The following SCARB1 variants were observed in gnomAD, a reference collection of about 807,000 sequenced individuals.
SCARB1 encodes scavenger receptor class B member 1, also known as CD36 and LIMPII analogous 1.
Under a neutral mutation model 57.2 loss-of-function variants are expected in SCARB1, and 30 were observed. The observed-to-expected ratio is 0.52, with a 90% CI of 0.39 to 0.71. The LOEUF is 0.71. SCARB1 is among the 30% of genes least tolerant of loss of function. The probability of loss-of-function intolerance (pLI) is 0.00; values close to 1 mark genes in which losing one functional copy is unlikely to be tolerated. For synonymous variants in SCARB1, 249 were observed against 268.3 expected (o/e 0.93, Z 0.70); for missense variants, 543 against 671.2 (o/e 0.81, Z 2.11).
At chr12:124,850,430 G>C (rs1352366642) in intron 1 of SCARB1, among the ~76,000 whole-genome samples, 5 of 152,006 alleles carry the variant, frequency 3.3e-5, no homozygotes, top group African/African-American at 1.2e-4. Context: ...CCAGCACTTT[G>C]GGAGGTCGAG....
intron 12 of SCARB1, among the ~76,000 whole-genome samples, chr12:124,780,491 C>T (rs1054435878): frequency 1.3e-5 from 2 of 152,226 alleles, no homozygotes; most frequent in African/African-American, 4.8e-5. Context: ...GAACAGGACC[C>T]AAGAGGGGGC....
chr12:124,853,895 T>A (rs1330595639), intron 1 of SCARB1, among the ~76,000 whole-genome samples: 1 of 152,176 alleles, frequency 6.6e-6, no homozygotes. Flanking sequence ...AACCTGCCAC[T>A]GGTCACGAAC....
chr12:124,779,638 T>G lies in SCARB1; in HGVS notation c.*1-1052A>C, dbSNP rs557966508. ...TGACAGTTGTAGAAAATTTCTCAAC[T>G]TAAAAATTAAAAATACAGATAATGC... On this transcript the variant is annotated intron_variant, in intron 12 of 12. Transcript: ENST00000261693. 3.3e-5 allele frequency among the ~76,000 whole-genome samples: 5 copies of G among 152,320 alleles called. No individual in the cohort carries two copies. The South Asian group carries it at 1.0e-3, about 32-fold the overall frequency.
intron 12 of SCARB1, among the ~76,000 whole-genome samples, chr12:124,782,378 A>G (rs1162029408): frequency 6.6e-6 from 1 of 152,232 alleles, no homozygotes; most frequent in Non-Finnish European, 1.5e-5. Context: ...AGTCTATTGC[A>G]CAAGAGATTC....
At chr12:124,862,745 A>G (rs1238014475) in intron 1 of SCARB1, among the ~76,000 whole-genome samples, 2 of 137,672 alleles carry the variant, frequency 1.5e-5, no homozygotes, top group Non-Finnish European at 3.3e-5. Flanking sequence ...ATACTCTGCA[A>G]TCTCCCAGCC....
rs753248721 is a variant in SCARB1 at position 124,776,876 on chromosome 12, T to C, written c.*1711A>G. 6.6e-6 allele frequency: 1 copy of C among 152,158 alleles called. No homozygotes were observed. Among genetic ancestry groups the C allele is most frequent in the Non-Finnish European group, 1.5e-5 (1 of 68,024 alleles). The allele number at this position is 152,158 out of a possible 1,614,324, so 9.4% of individuals were successfully genotyped here. A position where few individuals can be genotyped will look rare whatever the true frequency, so the allele number is the denominator to read the frequency against. On this transcript the variant is annotated 3_prime_UTR_variant, in exon 13 of 13. Coordinates refer to ENST00000261693, the MANE Select transcript of SCARB1 (RefSeq NM_005505.5). ...AAAAGTTTGCTTCAACTTATATATT[T>C]ATGTTGCAGGCAAGTATAGGAGTGA...
At chr12:124,837,474 AG>A (rs1951699702) in intron 1 of SCARB1, among the ~76,000 whole-genome samples, 2 of 29,898 alleles carry the variant, frequency 6.7e-5, no homozygotes, top group East Asian at 7.8e-4. Flanking sequence ...AAAGAAAGAA[AG>A]GAAGGAAGGA....
intron 7 of SCARB1, among the ~76,000 whole-genome samples, chr12:124,802,201 T>C (rs1950158865): frequency 6.6e-6 from 1 of 151,164 alleles, no homozygotes; most frequent in African/African-American, 2.4e-5. Flanking sequence ...AATAATGATG[T>C]TGTAAGTTCT....
At chr12:124,860,724 G>A (rs890783278) in intron 1 of SCARB1, among the ~76,000 whole-genome samples, 6 of 152,158 alleles carry the variant, frequency 3.9e-5, no homozygotes, top group Non-Finnish European at 7.3e-5. Flanking sequence ...GGGATGTGTC[G>A]GGATATCGCT....
At chr12:124,841,316 G>A (rs1358422075) in intron 1 of SCARB1, among the ~76,000 whole-genome samples, 1 of 151,370 alleles carries the variant, frequency 6.6e-6, no homozygotes, top group Non-Finnish European at 1.5e-5. Flanking sequence ...AGCTTGCAGT[G>A]AGCGGAGATT....
rs753289800 is a variant in SCARB1, at chr12:124,814,254, T to C, written c.578A>G (p.Lys193Arg). 3.5e-5 allele frequency: 57 copies of C among 1,614,102 alleles called. No homozygotes were observed. Among genetic ancestry groups the C allele is most frequent in the Non-Finnish European group, 4.4e-5 (52 of 1,180,048 alleles). Reference protein sequence around the residue: ...YKDPLVNLINKYFPGMFPFKD... With the variant: ...YKDPLVNLINRYFPGMFPFKD... ...GAAGGGGAACATGCCTGGAAAGTAC[T>C]TGTTGATGAGATTCACAAGGGGGTC... The change falls in exon 4 of 13, where the codon AAG becomes AGG. Residue 193 changes from lysine to arginine, a missense_variant. Physicochemically the swap from Lys to Arg is conservative, Grantham distance 26. Transcript: ENST00000261693. The surrounding 1 kb of genome is among the most constrained non-coding windows in gnomAD (Gnocchi z 4.7).
chr12:124,814,875 C>A lies in SCARB1; in HGVS notation c.426+98G>T, dbSNP rs1444728086. 3 of 1,520,110 alleles carry A rather than the reference C, an allele frequency of 2.0e-6. No homozygotes were observed. In the African/African-American group the frequency reaches 4.1e-5, roughly 21 times the overall value. The allele number at this position is 1,520,110 out of a possible 1,614,324, so 94.2% of individuals were successfully genotyped here. ...CCAGGCGTGAGTCCCCACGCTCCGA[C>A]CACCTCAGGGACTGCTCTCTGCACA... On this transcript the variant is annotated intron_variant, in intron 3 of 12. Transcript: ENST00000261693. This position sits in a 1 kb window ranked among gnomAD's most constrained non-coding sequence, Gnocchi z 4.7.
At chr12:124,778,642 CTCATCCCCGCCCACCA>C in intron 12 of SCARB1, 56 bp from the exon 13 acceptor site, 1 of 1,383,972 alleles carries the variant, frequency 7.2e-7, no homozygotes, top group Non-Finnish European at 9.3e-7. Context: ...AAACCCCACC[CTCATCCCCGCCCACCA>C]CAGCCCTGTA....
chr12:124,856,053 C>T (rs768026619), intron 1 of SCARB1, among the ~76,000 whole-genome samples: 23 of 152,210 alleles, frequency 1.5e-4, no homozygotes, highest in Admixed American at 1.5e-3. Context: ...CATCTCCCGG[C>T]GGAGGCACAG....
chr12:124,856,051 G>A (rs527974603), intron 1 of SCARB1, among the ~76,000 whole-genome samples: 5 of 152,342 alleles, frequency 3.3e-5, no homozygotes, highest in East Asian at 1.9e-4. Flanking sequence ...TGCATCTCCC[G>A]GCGGAGGCAC....
rs1440497716 is a variant in SCARB1 at position 124,822,449 on chromosome 12, A to T, written c.127-4742T>A. On this transcript the variant is annotated intron_variant, in intron 1 of 12. Coordinates refer to ENST00000261693, the MANE Select transcript of SCARB1 (RefSeq NM_005505.5). This position sits in a 1 kb window ranked among gnomAD's most constrained non-coding sequence, Gnocchi z 5.0. Reference sequence around the variant, plus strand: ...TACTACACAACACCATTTCCGCGACATCGGGGAAAGGGAATACTCTAGAGA... The same window carrying T: ...TACTACACAACACCATTTCCGCGACTTCGGGGAAAGGGAATACTCTAGAGA... Among the ~76,000 whole-genome samples the T allele has an allele frequency of 2.0e-5, 3 of 152,206 alleles. No homozygotes were observed. Among genetic ancestry groups the T allele is most frequent in the African/African-American group, 7.2e-5 (3 of 41,446 alleles).
In SCARB1 at chr12:124,823,605, T is replaced by C. The variant is rs145861528; in HGVS notation, c.127-5898A>G. ...AACGATCAAACGCAAAGTTACCGTA[T>C]GACCCTGCAACTCCACTCCCCAGAA... is the stretch of plus-strand genomic sequence containing the variant. On this transcript the variant is annotated intron_variant, in intron 1 of 12. Coordinates refer to ENST00000261693, the MANE Select transcript of SCARB1 (RefSeq NM_005505.5). Among the ~76,000 whole-genome samples, 245 of 152,302 alleles carry C rather than the reference T, an allele frequency of 1.6e-3. 2 individuals carry two copies. The highest frequency in any genetic ancestry group is 5.4e-3 in the African/African-American group (225 of 41,566).
intron 1 of SCARB1, among the ~76,000 whole-genome samples, chr12:124,849,562 G>A (rs946947310): frequency 1.3e-5 from 2 of 152,204 alleles, no homozygotes; most frequent in Admixed American, 1.3e-4. Flanking sequence ...TTCCACCCTT[G>A]CTGCCCGGGC....
rs901419208 is a variant in SCARB1 at position 124,778,475 on chromosome 12, TGGGGCTGG to T, written c.*104_*111del. ...CATGGCAGCTGGGAGGCTCAGGCTG[TGGGGCTGG>T]GGGGCTGTCCGCTGGGAGAGTCCGG... On this transcript the variant is annotated 3_prime_UTR_variant, in exon 13 of 13. Coordinates refer to ENST00000261693, the MANE Select transcript of SCARB1 (RefSeq NM_005505.5). 6 of 1,329,900 alleles carry T rather than the reference TGGGGCTGG, an allele frequency of 4.5e-6. No homozygotes were observed. In the Admixed American group the frequency reaches 1.2e-4, roughly 27 times the overall value. The allele number at this position is 1,329,900 out of a possible 1,614,324, so 82.4% of individuals were successfully genotyped here.
Sources: gnomAD v4.1 joint callset for allele counts (sites outside exome capture counted in the v4.1 genomes callset) on GRCh38, gnomAD v4.1.1 for gene constraint, Gnocchi (gnomAD v3.1) non-coding constraint, MANE v1.5 for transcripts, NCBI Gene and HGNC (gene_info 2026-07-23, HGNC 2026-07-21) for gene names.